PRKCZ: variants seen among roughly 807,000 people sequenced by gnomAD.
The protein encoded by PRKCZ is protein kinase C zeta.
PRKCZ carries 33 observed loss-of-function variants against 79.5 expected under a neutral mutation model. That is an observed-to-expected ratio of 0.41 (90% confidence interval 0.31 to 0.55). PRKCZ has a LOEUF of 0.55. PRKCZ is among the 20% of genes least tolerant of loss of function. The pLI is 0.19. For synonymous variants in PRKCZ, 342 were observed against 320.9 expected (o/e 1.07, Z -0.70); for missense variants, 578 against 813.5 (o/e 0.71, Z 3.52).
At chr1:2,135,405 AAGAG>A (rs1675979773) in intron 5 of PRKCZ, 58 bp downstream of exon 5, 3 of 1,464,862 alleles carry the variant, frequency 2.0e-6, no homozygotes, top group South Asian at 1.2e-5. Context: ...TTTAAAAGCA[AAGAG>A]AGAGGAGGGG....
At chr1:2,086,659 C>T (rs1664580245) in intron 4 of PRKCZ, among the ~76,000 whole-genome samples, 1 of 152,224 alleles carries the variant, frequency 6.6e-6, no homozygotes, top group Non-Finnish European at 1.5e-5. Context: ...GCCTGCTGCT[C>T]CTGGGGGCCG....
rs1004247468 is a variant in PRKCZ, at chr1:2,149,252, G to T, written c.687+328G>T. Among the ~76,000 whole-genome samples, 11 of 152,226 alleles carry T rather than the reference G, an allele frequency of 7.2e-5. No individual in the cohort carries two copies. Among genetic ancestry groups the T allele is most frequent in the African/African-American group, 2.7e-4 (11 of 41,454 alleles). On this transcript the variant is annotated intron_variant, in intron 8 of 17. Transcript: ENST00000378567. The surrounding 1 kb of genome is among the most constrained non-coding windows in gnomAD (Gnocchi z 4.1). ...TTTGAGCTGCAATTTTTATCAAGTTGTGTCTGCACCATGCCTTCCGAATTG... is the reference window on the plus strand; with the variant it reads ...TTTGAGCTGCAATTTTTATCAAGTTTTGTCTGCACCATGCCTTCCGAATTG...
chr1:2,137,016 G>A lies in PRKCZ; in HGVS notation c.420+1669G>A, dbSNP rs1676337958. ...GACGAAGTCTTACGATAGGCCAGCTGCAGGCTGGGGAAGAAAGAAGCCAGC... is the reference window on the plus strand; with the variant it reads ...GACGAAGTCTTACGATAGGCCAGCTACAGGCTGGGGAAGAAAGAAGCCAGC... On this transcript the variant is annotated intron_variant, in intron 5 of 17. Transcript: ENST00000378567. Among the ~76,000 whole-genome samples, 4 of 152,182 alleles carry A rather than the reference G, an allele frequency of 2.6e-5. No individual in the cohort carries two copies. The South Asian group carries it at 8.3e-4, about 31-fold the overall frequency.
At chr1:2,076,741 T>C (rs1471165090) in intron 4 of PRKCZ, among the ~76,000 whole-genome samples, 1 of 133,520 alleles carries the variant, frequency 7.5e-6, no homozygotes, top group African/African-American at 2.8e-5. Context: ...GACTCCATCT[T>C]GAAAAAAAAA....
intron 10 of PRKCZ, among the ~76,000 whole-genome samples, chr1:2,161,475 C>T (rs1013230224): frequency 1.3e-5 from 2 of 152,216 alleles, no homozygotes; most frequent in Non-Finnish European, 2.9e-5. Context: ...GAGGGGCCCT[C>T]GGGGACCCCC....
chr1:2,156,204 T>C, intron 10 of PRKCZ, 112 bp downstream of exon 10: 5 of 1,004,662 alleles, frequency 5.0e-6, no homozygotes, highest in Non-Finnish European at 7.6e-6. Flanking sequence ...TCCCAGTTGC[T>C]GTACGGGTGT....
At chr1:2,153,899 A>C (rs765843281) in intron 9 of PRKCZ, among the ~76,000 whole-genome samples, 1 of 152,166 alleles carries the variant, frequency 6.6e-6, no homozygotes, top group Non-Finnish European at 1.5e-5. Flanking sequence ...CCCCACAAAA[A>C]GACTGCACTC....
intron 4 of PRKCZ, among the ~76,000 whole-genome samples, chr1:2,088,087 C>T (rs1024646844): frequency 5.3e-5 from 8 of 152,214 alleles, no homozygotes; most frequent in African/African-American, 1.9e-4. Context: ...GCCTCGGGCT[C>T]GGATGCTGCC....
At chr1:2,113,248 A>C (rs1670104375) in intron 4 of PRKCZ, among the ~76,000 whole-genome samples, 1 of 152,188 alleles carries the variant, frequency 6.6e-6, no homozygotes, top group South Asian at 2.1e-4. Flanking sequence ...GTAAGGTTTA[A>C]AAAGGCAGCC....
intron 4 of PRKCZ, among the ~76,000 whole-genome samples, chr1:2,117,198 C>T (rs1670918537): frequency 6.6e-6 from 1 of 152,160 alleles, no homozygotes; most frequent in Non-Finnish European, 1.5e-5. Flanking sequence ...GGTCCTTCTG[C>T]CTCAGCCTCC....
chr1:2,148,882 T>C lies in PRKCZ; in HGVS notation c.645T>C (p.Ile215=). ...PSEETDGIAY[I]SSSRKHDSIK... Reference sequence around the variant, plus strand: ...TCCCTCTCTCACCAGTTGCTTACATTTCCTCATCCCGGAAGCATGACAGCA... The same window carrying C: ...TCCCTCTCTCACCAGTTGCTTACATCTCCTCATCCCGGAAGCATGACAGCA... The change falls in exon 8 of 18, where the codon ATT becomes ATC. Residue 215 remains isoleucine (I), a synonymous_variant. Transcript: ENST00000378567. The C allele has an allele frequency of 6.2e-7, 1 of 1,613,944 alleles. No individual in the cohort carries two copies. Among genetic ancestry groups the C allele is most frequent in the Non-Finnish European group, 8.5e-7 (1 of 1,179,886 alleles).
intron 4 of PRKCZ, among the ~76,000 whole-genome samples, chr1:2,118,060 G>A (rs867775374): frequency 3.4e-5 from 4 of 117,182 alleles, no homozygotes; most frequent in Non-Finnish European, 4.8e-5. Flanking sequence ...TCAGTGGCCC[G>A]ATCTGGGCGC....
At position 2,120,156 on chromosome 1, in the gene PRKCZ, A is replaced by G. The variant is rs535392670; in HGVS notation, c.335-15106A>G. On this transcript the variant is annotated intron_variant, in intron 4 of 17. Coordinates refer to ENST00000378567, the MANE Select transcript of PRKCZ (RefSeq NM_002744.6). ...TCTCTTTTCTCTGACTCCTGTTAAA[A>G]GTGTTTTCATCACAACAGCAGCCTT... 2.1e-3 allele frequency among the ~76,000 whole-genome samples: 314 copies of G among 152,220 alleles called. 2 individuals are homozygous for G. Among genetic ancestry groups the G allele is most frequent in the African/African-American group, 7.3e-3 (305 of 41,536 alleles).
chr1:2,139,873 A>C (rs557631623), intron 5 of PRKCZ, among the ~76,000 whole-genome samples: 5 of 152,214 alleles, frequency 3.3e-5, no homozygotes, highest in Admixed American at 2.0e-4. Context: ...AACCCACTCC[A>C]CCACGTGGGG....
intron 8 of PRKCZ, 70 bp from the exon 9 acceptor site, chr1:2,150,720 T>C: frequency 6.8e-7 from 1 of 1,466,330 alleles, no homozygotes; most frequent in Non-Finnish European, 9.3e-7. Flanking sequence ...ACCGCATGAG[T>C]GATGCGTGGT....
chr1:2,085,333 T>C (rs563466401), intron 4 of PRKCZ, among the ~76,000 whole-genome samples: 2 of 152,350 alleles, frequency 1.3e-5, no homozygotes, highest in African/African-American at 4.8e-5. Context: ...AGCCAGCAGC[T>C]TTGTGCCCTG....
intron 5 of PRKCZ, among the ~76,000 whole-genome samples, chr1:2,136,740 A>G (rs976534720): frequency 6.6e-5 from 10 of 152,024 alleles, no homozygotes; most frequent in African/African-American, 1.4e-4. Context: ...CAGCACAGAG[A>G]TCCCGTCCGC....
intron 9 of PRKCZ, among the ~76,000 whole-genome samples, chr1:2,153,593 C>G (rs971973345): frequency 6.6e-6 from 1 of 152,202 alleles, no homozygotes; most frequent in African/African-American, 2.4e-5. Flanking sequence ...ACAGAGGCCC[C>G]AAGAGGTGTG....
chr1:2,154,710 C>T (rs1157885441), intron 9 of PRKCZ, among the ~76,000 whole-genome samples: 1 of 152,178 alleles, frequency 6.6e-6, no homozygotes, highest in Non-Finnish European at 1.5e-5. Context: ...TTTTCTAACC[C>T]CGAAGACAAG....
Sources: gnomAD v4.1 joint callset for allele counts (sites outside exome capture counted in the v4.1 genomes callset) on GRCh38, gnomAD v4.1.1 for gene constraint, Gnocchi (gnomAD v3.1) non-coding constraint, MANE v1.5 for transcripts, NCBI Gene and HGNC (gene_info 2026-07-23, HGNC 2026-07-21) for gene names.